EMSY: variants seen among roughly 807,000 people sequenced by gnomAD.
EMSY encodes EMSY transcriptional repressor, BRCA2 interacting.
A neutral mutation model predicts 134.6 loss-of-function variants in EMSY; 26 were observed. The observed-to-expected ratio is 0.19, with a 90% CI of 0.14 to 0.27. EMSY has a LOEUF of 0.27. Ranked by LOEUF, EMSY falls within the 10% of genes least tolerant of loss-of-function variation. The probability of loss-of-function intolerance (pLI) is 1.00; values close to 1 mark genes in which losing one functional copy is unlikely to be tolerated. For synonymous variants in EMSY, 579 were observed against 577.8 expected, an observed-to-expected ratio of 1.00 and a Z score of -0.03; for missense variants, 1,305 against 1,611.4, an observed-to-expected ratio of 0.81 and a Z score of 3.26.
At chr11:76,527,999 C>A (rs984513278) in intron 13 of EMSY, among the ~76,000 whole-genome samples, 4 of 151,934 alleles carry the variant, frequency 2.6e-5, no homozygotes, top group Non-Finnish European at 5.9e-5. Flanking sequence ...TAAAATGACT[C>A]CTGAAGTTGT....
At chr11:76,548,822 A>G (rs1247523798) in intron 20 of EMSY, among the ~76,000 whole-genome samples, 2 of 152,254 alleles carry the variant, frequency 1.3e-5, no homozygotes, top group Admixed American at 6.5e-5. Context: ...TATTTTGGTC[A>G]GGCATATTTG....
intron 2 of EMSY, among the ~76,000 whole-genome samples, chr11:76,448,556 A>G (rs1947516586): frequency 2.0e-5 from 3 of 152,060 alleles, no homozygotes; most frequent in African/African-American, 4.8e-5. Flanking sequence ...GTAACCTTTA[A>G]GTCTAAATTT....
intron 16 of EMSY, among the ~76,000 whole-genome samples, chr11:76,538,402 G>C (rs1951305321): frequency 1.3e-5 from 2 of 152,074 alleles, no homozygotes; most frequent in Admixed American, 1.3e-4. Context: ...TGGGACTACA[G>C]GTGTGTGCCA....
intron 8 of EMSY, among the ~76,000 whole-genome samples, chr11:76,480,568 G>A (rs1208193856): frequency 6.6e-6 from 1 of 152,172 alleles, no homozygotes; most frequent in East Asian, 1.9e-4. Context: ...TGCGGCCAAG[G>A]TATCCTTAGA....
At chr11:76,492,250 G>A (rs901003117) in intron 8 of EMSY, among the ~76,000 whole-genome samples, 1 of 152,142 alleles carries the variant, frequency 6.6e-6, no homozygotes, top group African/African-American at 2.4e-5. Flanking sequence ...AAGACCAGTG[G>A]ATCACTTGAG....
Position 76,524,176 on chromosome 11 carries a change from T to A in EMSY, c.1821+885T>A, listed in dbSNP as rs551755300. Reference sequence around the variant, plus strand: ...TGTAGTTGTTTGACCTTGGGTGACATACTCAACCTCTCTCATTCTTAATTT... The same window carrying A: ...TGTAGTTGTTTGACCTTGGGTGACAAACTCAACCTCTCTCATTCTTAATTT... On this transcript the variant is annotated intron_variant, in intron 12 of 20. Transcript: ENST00000334736. 6.4e-4 allele frequency among the ~76,000 whole-genome samples: 98 copies of A among 152,340 alleles called. 1 individual carries two copies. Among genetic ancestry groups the A allele is most frequent in the African/African-American group, 2.1e-3 (87 of 41,586 alleles).
rs183707624 is a variant in EMSY, at chr11:76,496,706, A to G, written c.1363+237A>G. The G allele has an allele frequency of 2.9e-3, 1,641 of 558,458 alleles. 16 individuals are homozygous for G. Among genetic ancestry groups the G allele is most frequent in the South Asian group, 0.012 (650 of 56,438 alleles). 34.6% of individuals were successfully genotyped at this position (558,458 alleles called of 1,614,324 possible). On this transcript the variant is annotated intron_variant, in intron 9 of 20. Coordinates refer to ENST00000334736, the Ensembl canonical transcript of EMSY. ...TTATGATTTTAATTTCAATGTCTAC[A>G]TGTTTTTTGTTAGTATATAAAAATA...
intron 8 of EMSY, among the ~76,000 whole-genome samples, chr11:76,473,164 T>G (rs1948640483): frequency 6.6e-6 from 1 of 152,156 alleles, no homozygotes; most frequent in Admixed American, 6.5e-5. Flanking sequence ...AAATGAGAAA[T>G]TTGAAATTAT....
chr11:76,447,816 A>G (rs1051603085), intron 2 of EMSY, among the ~76,000 whole-genome samples: 1 of 152,224 alleles, frequency 6.6e-6, no homozygotes, highest in Non-Finnish European at 1.5e-5. Flanking sequence ...GCTGCCTTAG[A>G]CTATGAGGAC....
At position 76,546,306 on chromosome 11, in the gene EMSY, T is replaced by A. The variant is rs1310966034; in HGVS notation, c.3774+9T>A. The A allele has an allele frequency of 1.4e-5, 22 of 1,597,332 alleles. No homozygotes were observed. The highest frequency in any genetic ancestry group is 1.8e-5 in the Non-Finnish European group (21 of 1,172,362). ...CAGAAATTATCATCCAGGTAAGAAT[T>A]GGAAGGAAAATGAGAAATCTTGTGC... On this transcript the variant is annotated intron_variant, in intron 20 of 20. Transcript: ENST00000334736.
intron 13 of EMSY, among the ~76,000 whole-genome samples, chr11:76,527,054 T>C (rs997606568): frequency 1.3e-5 from 2 of 152,162 alleles, no homozygotes; most frequent in African/African-American, 2.4e-5. Flanking sequence ...GAACAATAGA[T>C]AAGCTAGAGT....
chr11:76,499,401 C>CCTCA (rs1239633052), intron 9 of EMSY, among the ~76,000 whole-genome samples: 1 of 148,480 alleles, frequency 6.7e-6, no homozygotes, highest in Non-Finnish European at 1.5e-5. Flanking sequence ...CATTCTCCTG[C>CCTCA]CTCAGCCTCC....
intron 14 of EMSY, among the ~76,000 whole-genome samples, chr11:76,533,137 T>C (rs191124888): frequency 1.3e-5 from 2 of 152,246 alleles, no homozygotes; most frequent in African/African-American, 4.8e-5. Flanking sequence ...ATATATTACA[T>C]CGTAAAAGGG....
chr11:76,503,292 C>A lies in EMSY; in HGVS notation c.1363+6823C>A, dbSNP rs1269024200. ...CTCTAGCCTGGGTGACAGAGCAAGGCGTGGTCTCAAAAAAAAAAAAAAAAA... is the reference window on the plus strand; with the variant it reads ...CTCTAGCCTGGGTGACAGAGCAAGGAGTGGTCTCAAAAAAAAAAAAAAAAA... On this transcript the variant is annotated intron_variant, in intron 9 of 20. Transcript: ENST00000334736. Among the ~76,000 whole-genome samples the A allele has an allele frequency of 3.3e-5, 3 of 90,812 alleles. No homozygotes were observed. In the Admixed American group the frequency reaches 4.8e-4, roughly 14 times the overall value. 59.6% of individuals were successfully genotyped at this position (90,812 alleles called of 152,430 possible).
At chr11:76,533,525 A>C (rs1297550068) in intron 14 of EMSY, among the ~76,000 whole-genome samples, 1 of 152,154 alleles carries the variant, frequency 6.6e-6, no homozygotes, top group Non-Finnish European at 1.5e-5. Flanking sequence ...TATTGTGAAG[A>C]TTATAGTATA....
intron 16 of EMSY, among the ~76,000 whole-genome samples, chr11:76,538,951 C>G (rs1951328607): frequency 1.3e-5 from 2 of 152,260 alleles, no homozygotes; most frequent in Admixed American, 1.3e-4. Flanking sequence ...GAGGGAGACT[C>G]TGTCTCAAAA....
At chr11:76,521,014 T>G (rs1386977841) in intron 11 of EMSY, among the ~76,000 whole-genome samples, 2 of 152,168 alleles carry the variant, frequency 1.3e-5, no homozygotes, top group Non-Finnish European at 2.9e-5. Flanking sequence ...GCATTGGAAT[T>G]TGTATGCTCA....
In EMSY at chr11:76,505,529, A is replaced by G. The variant is rs534447746; in HGVS notation, c.1364-7857A>G. On this transcript the variant is annotated intron_variant, in intron 9 of 20. Transcript: ENST00000334736. The stretch of plus-strand genomic sequence containing the variant: ...TAGTGGCTCTGGGGATGTGGAGAGA[A>G]GAATAGTGGTATTACTTCATAGAAA... Among the ~76,000 whole-genome samples, 198 of 151,898 alleles carry G rather than the reference A, an allele frequency of 1.3e-3. 2 individuals carry two copies. Among genetic ancestry groups the G allele is most frequent in the Non-Finnish European group, 3.5e-4 (24 of 67,970 alleles).
chr11:76,541,727 A>C (rs959097710), intron 17 of EMSY, among the ~76,000 whole-genome samples: 2 of 152,240 alleles, frequency 1.3e-5, no homozygotes, highest in Admixed American at 1.3e-4. Flanking sequence ...AATACAAAGG[A>C]GTGAATGCTA....
Sources: allele counts gnomAD v4.1 joint callset (sites outside exome capture counted in the v4.1 genomes callset), GRCh38; gene constraint gnomAD v4.1.1; transcripts MANE v1.5; gene names NCBI Gene and HGNC (gene_info 2026-07-23, HGNC 2026-07-21).